Variants in DNAH3 observed in about 807,000 individuals in gnomAD.
The protein encoded by DNAH3 is axonemal beta dynein heavy chain 3.
A neutral mutation model predicts 432.5 loss-of-function variants in DNAH3; 332 were observed. That is an observed-to-expected ratio of 0.77 (90% CI 0.70 to 0.84). DNAH3 has a LOEUF of 0.84. DNAH3 is among the 40% of genes least tolerant of loss of function. DNAH3 has a pLI of 0.00. For missense variants in DNAH3, 4,861 were observed against 5,114.0 expected (o/e 0.95, Z 1.51); for synonymous variants, 1,956 against 1,900.2 (o/e 1.03, Z -0.76).
At chr16:20,955,372 G>A (rs2084515423) in intron 54 of DNAH3, among the ~76,000 whole-genome samples, 3 of 152,072 alleles carry the variant, frequency 2.0e-5, no homozygotes, top group Admixed American at 1.3e-4. Flanking sequence ...CGGAGGCATG[G>A]CAAGGTCAGG....
chr16:21,108,634 T>A (rs1401477007), intron 14 of DNAH3, among the ~76,000 whole-genome samples: 6 of 152,196 alleles, frequency 3.9e-5, no homozygotes, highest in African/African-American at 9.6e-5. Context: ...ACCCAGCTAC[T>A]TCGGGGGCTG....
At chr16:21,033,670 T>C (rs1008547975) in intron 36 of DNAH3, among the ~76,000 whole-genome samples, 5 of 152,210 alleles carry the variant, frequency 3.3e-5, no homozygotes, top group Admixed American at 3.3e-4. Flanking sequence ...TTTAGACTAA[T>C]TTTAAGGCCA....
rs1237770713 is a variant in DNAH3 at position 21,010,985 on chromosome 16, C to A, written c.6023-7778G>T. 3.3e-5 allele frequency among the ~76,000 whole-genome samples: 5 copies of A among 150,434 alleles called. No homozygotes were observed. The South Asian group carries it at 6.3e-4, about 19-fold the overall frequency. On this transcript the variant is annotated intron_variant, in intron 41 of 61. Coordinates refer to ENST00000261383, the Ensembl canonical transcript of DNAH3. ...ACACAAAAGAAGTCAGTTTGCAGGA[C>A]ACGATGAAAATCATGGTTTGTTTTA...
At chr16:21,111,931 G>T in intron 13 of DNAH3, 62 bp downstream of exon 13, 1 of 1,542,416 alleles carries the variant, frequency 6.5e-7, no homozygotes, top group Non-Finnish European at 8.9e-7. Flanking sequence ...GACACTAACT[G>T]CTCATTGGAT....
At chr16:21,135,654 A>C (rs1165302667) in intron 6 of DNAH3, among the ~76,000 whole-genome samples, 1 of 151,896 alleles carries the variant, frequency 6.6e-6, no homozygotes, top group Non-Finnish European at 1.5e-5. Flanking sequence ...ATCCTGACCA[A>C]CCTCTGCAGT....
exon 35 of DNAH3, chr16:21,036,821 C>T (rs965626522): frequency 1.2e-6 from 2 of 1,610,722 alleles, no homozygotes; most frequent in Non-Finnish European, 1.7e-6. Context: ...GGAAGAACAA[C>T]TCCAGGAAAT....
chr16:21,002,684 C>A (rs2087085251), intron 42 of DNAH3, among the ~76,000 whole-genome samples: 1 of 152,128 alleles, frequency 6.6e-6, no homozygotes, highest in Non-Finnish European at 1.5e-5. Flanking sequence ...TGGTCTTGCA[C>A]TCCTGACCTC....
At chr16:20,966,944 G>A (rs2085091352) in intron 52 of DNAH3, among the ~76,000 whole-genome samples, 1 of 152,156 alleles carries the variant, frequency 6.6e-6, no homozygotes. Context: ...TGACTAACAA[G>A]TAATCAAGTG....
chr16:21,154,867 G>A (rs1281404482), intron 1 of DNAH3, among the ~76,000 whole-genome samples: 3 of 151,858 alleles, frequency 2.0e-5, no homozygotes, highest in African/African-American at 4.8e-5. Flanking sequence ...TACCAGAATT[G>A]TTTGTTGTCT....
At chr16:21,047,601 C>G (rs1462828252) in intron 31 of DNAH3, among the ~76,000 whole-genome samples, 36 of 150,180 alleles carry the variant, frequency 2.4e-4, no homozygotes, top group South Asian at 1.9e-3. Context: ...AAGTTTTCAA[C>G]TTCTTTGCCT....
chr16:21,073,105 G>A (rs1009765846), intron 21 of DNAH3, among the ~76,000 whole-genome samples: 1 of 152,148 alleles, frequency 6.6e-6, no homozygotes, highest in Admixed American at 6.5e-5. Flanking sequence ...TGACCCTGGG[G>A]CAGGTTTGGT....
At chr16:20,940,202 G>A (rs758187106) in intron 59 of DNAH3, among the ~76,000 whole-genome samples, 16 of 152,166 alleles carry the variant, frequency 1.1e-4, no homozygotes, top group Non-Finnish European at 2.2e-4. Context: ...CCTTGGGCAA[G>A]TCTTAACCCT....
chr16:20,997,195 CTG>C, intron 44 of DNAH3, 86 bp downstream of exon 44: 20 of 1,394,886 alleles, frequency 1.4e-5, no homozygotes, highest in Non-Finnish European at 1.9e-5. Context: ...GCAGGACAGA[CTG>C]TGGCACACCA....
At position 21,022,019 on chromosome 16, in the gene DNAH3, G is replaced by A. The variant is rs749829311; in HGVS notation, c.5728C>T (p.Pro1910Ser). The change falls in exon 40 of 62, where the codon CCC becomes TCC. Residue 1910 changes from proline (P) to serine (S), a missense_variant. Transcript: ENST00000261383. ...ATCATTGAGAAGGCAAGGTGGATGGGAGATGTCTGGACAACAAATTTACAA... is the reference window on the plus strand; with the variant it reads ...ATCATTGAGAAGGCAAGGTGGATGGAAGATGTCTGGACAACAAATTTACAA... 1 of 1,614,044 alleles carries A rather than the reference G, an allele frequency of 6.2e-7. No individual in the cohort carries two copies. Among genetic ancestry groups the A allele is most frequent in the East Asian group, 2.2e-5 (1 of 44,872 alleles).
intron 55 of DNAH3, among the ~76,000 whole-genome samples, chr16:20,953,355 C>T (rs540898702): frequency 1.1e-4 from 17 of 152,040 alleles, no homozygotes; most frequent in African/African-American, 9.6e-5. Context: ...GACGGGGATT[C>T]GCCATGTTGG....
intron 20 of DNAH3, among the ~76,000 whole-genome samples, chr16:21,079,475 T>C (rs550150690): frequency 6.6e-6 from 1 of 151,910 alleles, no homozygotes; most frequent in African/African-American, 2.4e-5. Flanking sequence ...ATACAAAAAT[T>C]AGCCAGGCAT....
intron 1 of DNAH3, 62 bp from the exon 3 acceptor site, chr16:21,146,150 T>G: frequency 8.1e-7 from 1 of 1,235,642 alleles, no homozygotes; most frequent in Non-Finnish European, 1.2e-6. Flanking sequence ...AGCCTCTGAG[T>G]TGGTTAGGAC....
intron 43 of DNAH3, among the ~76,000 whole-genome samples, chr16:20,999,401 C>A (rs1170647015): frequency 2.0e-5 from 3 of 151,960 alleles, no homozygotes; most frequent in Non-Finnish European, 4.4e-5. Flanking sequence ...AAAATAGGAC[C>A]CCTGCCTCTG....
chr16:21,003,046 G>C, intron 42 of DNAH3, 58 bp downstream of exon 42: 1 of 1,125,900 alleles, frequency 8.9e-7, no homozygotes, highest in Non-Finnish European at 1.3e-6. Context: ...TTCCACCTGA[G>C]AGAATATTTG....
Sources: allele counts gnomAD v4.1 joint callset (sites outside exome capture counted in the v4.1 genomes callset), GRCh38; gene constraint gnomAD v4.1.1; transcripts MANE v1.5; gene names NCBI Gene and HGNC (gene_info 2026-07-23, HGNC 2026-07-21).